CFAP54: variants seen among roughly 807,000 people sequenced by gnomAD.
The protein encoded by CFAP54 is cilia and flagella associated protein 54, also known as cilia- and flagella-associated protein 54.
CFAP54 carries 290 observed loss-of-function variants against 370.4 expected under a neutral mutation model. That is an observed-to-expected ratio of 0.78 (90% CI 0.71 to 0.86). The LOEUF (loss-of-function observed/expected upper bound fraction) is 0.86. Ranked by LOEUF, CFAP54 falls within the 40% of genes least tolerant of loss-of-function variation. The probability of loss-of-function intolerance (pLI) is 0.00; values close to 1 mark genes in which losing one functional copy is unlikely to be tolerated. For missense variants in CFAP54, 3,399 were observed against 3,528.7 expected (o/e 0.96, Z 0.93); for synonymous variants, 1,206 against 1,236.5 (o/e 0.98, Z 0.52).
At chr12:96,724,394 T>C (rs1016897984) in intron 50 of CFAP54, among the ~76,000 whole-genome samples, 2 of 151,456 alleles carry the variant, frequency 1.3e-5, no homozygotes, top group African/African-American at 2.4e-5. Context: ...GGTATCTCAT[T>C]GTGGTTTTGA....
intron 36 of CFAP54, among the ~76,000 whole-genome samples, chr12:96,653,510 C>T (rs1469860025): frequency 1.3e-5 from 2 of 152,064 alleles, no homozygotes. Flanking sequence ...TTAAATAATA[C>T]AATTCCAAAT....
At chr12:96,730,737 C>T (rs1957911190) in intron 50 of CFAP54, among the ~76,000 whole-genome samples, 1 of 152,286 alleles carries the variant, frequency 6.6e-6, no homozygotes, top group Middle Eastern at 3.4e-3. Flanking sequence ...GAGAATCCCA[C>T]TTATATGTTT....
At chr12:96,765,549 A>G (rs531310172) in intron 60 of CFAP54, among the ~76,000 whole-genome samples, 1 of 152,240 alleles carries the variant, frequency 6.6e-6, no homozygotes, top group South Asian at 2.1e-4. Flanking sequence ...CAAAATCTAC[A>G]TGCACTCTCC....
chr12:96,867,890 T>C (rs1960045622), intron 67 of CFAP54, among the ~76,000 whole-genome samples: 1 of 152,120 alleles, frequency 6.6e-6, no homozygotes, highest in Admixed American at 6.5e-5. Flanking sequence ...TGAGAGAAGA[T>C]CTTAACTGTT....
intron 66 of CFAP54, among the ~76,000 whole-genome samples, chr12:96,832,281 A>AT (rs1565996088): frequency 4.1e-4 from 50 of 120,962 alleles, no homozygotes; most frequent in African/African-American, 1.4e-3. Flanking sequence ...TAAAAAAAAA[A>AT]AATATATATA....
chr12:96,667,173 C>T (rs1451822009), intron 39 of CFAP54, among the ~76,000 whole-genome samples: 1 of 152,200 alleles, frequency 6.6e-6, no homozygotes, highest in Non-Finnish European at 1.5e-5. Flanking sequence ...GCTGCTTTCA[C>T]AGGCTGGTGT....
intron 19 of CFAP54, chr12:96,565,080 G>T (rs1955853285): frequency 6.0e-6 from 1 of 167,262 alleles, no homozygotes; most frequent in Admixed American, 6.4e-5. Flanking sequence ...CTTTACAATG[G>T]AATTAAAATT....
chr12:96,590,288 C>T (rs1956112379), intron 23 of CFAP54, among the ~76,000 whole-genome samples: 1 of 152,168 alleles, frequency 6.6e-6, no homozygotes, highest in Admixed American at 6.5e-5. Flanking sequence ...ACACCATTGG[C>T]AACTGCAAAT....
chr12:96,786,635 T>C (rs955946275), intron 61 of CFAP54, 40 bp from the exon 62 acceptor site: 2 of 1,390,306 alleles, frequency 1.4e-6, no homozygotes, highest in Non-Finnish European at 1.9e-6. Flanking sequence ...CATCCCGTTT[T>C]CTAATATGAA....
chr12:96,637,234 C>A (rs1956672424), intron 32 of CFAP54, among the ~76,000 whole-genome samples: 1 of 152,100 alleles, frequency 6.6e-6, no homozygotes, highest in African/African-American at 2.4e-5. Flanking sequence ...TATTACATTT[C>A]TTTATTGCTG....
At position 96,718,485 on chromosome 12, in the gene CFAP54, C is replaced by T. The variant is rs141857286; in HGVS notation, c.6767C>T (p.Thr2256Ile). 43 of 1,580,122 alleles carry T rather than the reference C, an allele frequency of 2.7e-5. No individual in the cohort carries two copies. The highest frequency in any genetic ancestry group is 3.7e-5 in the Non-Finnish European group (42 of 1,150,488). Residue 2256 changes from threonine to isoleucine, a missense_variant, in exon 49 of 68, where the codon ACA becomes ATA. Physicochemically the swap from Thr to Ile is moderately conservative, Grantham distance 89 (BLOSUM62 -1). This residue lies in a region of CFAP54 where 2,796 missense variants were observed against 2,869.7 expected (regional missense o/e 0.97). Transcript: ENST00000524981. ...GATGGAAGTTCATTTTATAATCTTA[C>T]AAAACTTAAAGATGAGATCACTCTT... ...KDDGSSFYNL[T>I]KLKDEITLSM...
intron 22 of CFAP54, among the ~76,000 whole-genome samples, chr12:96,581,589 T>C (rs186689587): frequency 1.4e-3 from 219 of 152,186 alleles, no homozygotes; most frequent in Non-Finnish European, 2.3e-3. Context: ...GCATAAAATG[T>C]CAGTGGTGTC....
chr12:96,763,599 T>C (rs1460443917), intron 58 of CFAP54, among the ~76,000 whole-genome samples: 1 of 152,030 alleles, frequency 6.6e-6, no homozygotes, highest in African/African-American at 2.4e-5. Context: ...GGCAACATGG[T>C]GACACCTTGT....
intron 26 of CFAP54, among the ~76,000 whole-genome samples, chr12:96,609,785 G>T (rs933609620): frequency 4.0e-5 from 6 of 151,770 alleles, no homozygotes; most frequent in Admixed American, 3.3e-4. Flanking sequence ...AAATGGAGAG[G>T]GTAAGATATA....
chr12:96,738,534 C>T (rs1958007207), intron 50 of CFAP54, among the ~76,000 whole-genome samples: 1 of 151,646 alleles, frequency 6.6e-6, no homozygotes, highest in African/African-American at 2.4e-5. Context: ...GTGCATCAGT[C>T]CTGTTGCATG....
chr12:96,818,775 C>G (rs1424850473), intron 65 of CFAP54, among the ~76,000 whole-genome samples: 1 of 152,188 alleles, frequency 6.6e-6, no homozygotes, highest in African/African-American at 2.4e-5. Context: ...GCCTAGCATG[C>G]TCTGTTGCTT....
chr12:96,811,875 T>C, intron 64 of CFAP54, 33 bp downstream of exon 64: 1 of 1,259,798 alleles, frequency 7.9e-7, no homozygotes, highest in East Asian at 2.6e-5. Flanking sequence ...GAATTGTCTT[T>C]GTTGTTATCT....
intron 32 of CFAP54, among the ~76,000 whole-genome samples, chr12:96,631,934 G>A (rs1488375030): frequency 6.6e-6 from 1 of 151,592 alleles, no homozygotes; most frequent in Non-Finnish European, 1.5e-5. Context: ...AGCATTACTA[G>A]ATATTGCTAA....
chr12:96,551,147 T>C (rs1565893729), intron 15 of CFAP54, among the ~76,000 whole-genome samples: 1 of 145,586 alleles, frequency 6.9e-6, no homozygotes, highest in Non-Finnish European at 1.5e-5. Flanking sequence ...GACATGTGCC[T>C]GTAGTCCTAG....
Sources: allele counts gnomAD v4.1 joint callset (sites outside exome capture counted in the v4.1 genomes callset), GRCh38; gene constraint gnomAD v4.1.1; regional missense constraint gnomAD v4.1.1; transcripts MANE v1.5; gene names NCBI Gene and HGNC (gene_info 2026-07-23, HGNC 2026-07-21).